LTBP2: variants seen among roughly 807,000 people sequenced by gnomAD.
LTBP2 encodes latent transforming growth factor beta binding protein 2.
In LTBP2, 103 loss-of-function variants were observed where a neutral mutation model predicts 210.6. That is an observed-to-expected ratio of 0.49 (90% CI 0.42 to 0.58). The LOEUF is 0.58. LTBP2 is among the 20% of genes least tolerant of loss of function. The pLI is 0.00. For synonymous variants in LTBP2, 1,007 were observed against 1,015.0 expected, an observed-to-expected ratio of 0.99 and a Z score of 0.15; for missense variants, 2,313 against 2,494.5, an observed-to-expected ratio of 0.93 and a Z score of 1.55.
At chr14:74,548,490 A>C (rs532133626) in intron 8 of LTBP2, among the ~76,000 whole-genome samples, 2 of 152,240 alleles carry the variant, frequency 1.3e-5, no homozygotes, top group African/African-American at 4.8e-5. Context: ...GGGCTTAGTC[A>C]ATGTAAATAT....
chr14:74,568,272 C>T (rs2087929763), intron 3 of LTBP2, among the ~76,000 whole-genome samples: 1 of 152,170 alleles, frequency 6.6e-6, no homozygotes, highest in Non-Finnish European at 1.5e-5. Context: ...GGGCCAGCCC[C>T]CTGCATGCGA....
chr14:74,565,905 ATTC>A (rs747838723), intron 3 of LTBP2, among the ~76,000 whole-genome samples: 21 of 152,256 alleles, frequency 1.4e-4, no homozygotes, highest in Non-Finnish European at 2.4e-4. Context: ...GCTCCCATAA[ATTC>A]TTCTCCAACC....
chr14:74,527,505 C>CT, intron 12 of LTBP2, 139 bp from the exon 13 acceptor site: 2 of 906,610 alleles, frequency 2.2e-6, no homozygotes, highest in Non-Finnish European at 3.5e-6. Context: ...AGCGTGGACT[C>CT]TTCTTACCTG....
At chr14:74,529,921 A>G (rs771591041) in intron 10 of LTBP2, among the ~76,000 whole-genome samples, 2 of 152,162 alleles carry the variant, frequency 1.3e-5, no homozygotes, top group African/African-American at 4.8e-5. Flanking sequence ...AGAGGACATC[A>G]ATCAAAGTTT....
chr14:74,578,184 C>G (rs1488605293), intron 3 of LTBP2, among the ~76,000 whole-genome samples: 2 of 152,074 alleles, frequency 1.3e-5, no homozygotes, highest in African/African-American at 4.8e-5. Flanking sequence ...AGCTATAAGC[C>G]CAGACAGTGA....
chr14:74,526,241 A>G (rs1276410009), intron 13 of LTBP2, 127 bp from the exon 14 acceptor site: 11 of 919,686 alleles, frequency 1.2e-5, no homozygotes, highest in African/African-American at 1.6e-5. Flanking sequence ...CATTCATTCC[A>G]GGTATTGATG....
chr14:74,566,684 C>T (rs1353675192), intron 3 of LTBP2, among the ~76,000 whole-genome samples: 6 of 152,208 alleles, frequency 3.9e-5, no homozygotes, highest in South Asian at 2.1e-4. Context: ...TTGCCTGGCA[C>T]GCTGATAGGG....
In LTBP2 at chr14:74,499,904, A is replaced by G. The variant is rs1006815090; in HGVS notation, c.*980T>C. On this transcript the variant is annotated 3_prime_UTR_variant, in exon 36 of 36. Transcript: ENST00000261978. ...GGTTTCTGAGTGGAGGGGAAAAACA[A>G]CATTGGAAATCTGGCTGCTTCTGAA... 3.5e-5 allele frequency: 8 copies of G among 231,246 alleles called. No individual in the cohort carries two copies. Among genetic ancestry groups the G allele is most frequent in the South Asian group, 1.8e-4 (1 of 5,512 alleles). The allele number at this position is 231,246 out of a possible 1,614,324, so 14.3% of individuals were successfully genotyped here.
At chr14:74,507,849 C>T in intron 25 of LTBP2, 124 bp downstream of exon 25, 1 of 1,337,612 alleles carries the variant, frequency 7.5e-7, no homozygotes. Context: ...AGTCTCAATA[C>T]ATACACTATT....
intron 3 of LTBP2, 21 bp from the exon 4 acceptor site, chr14:74,555,714 CG>C (rs2087720390): frequency 6.7e-7 from 1 of 1,489,054 alleles, no homozygotes; most frequent in Non-Finnish European, 9.0e-7. Flanking sequence ...AACCGCGGCA[CG>C]GGGGTTTGCA....
chr14:74,577,824 T>G (rs1326690524), intron 3 of LTBP2, among the ~76,000 whole-genome samples: 1 of 145,118 alleles, frequency 6.9e-6, no homozygotes. Flanking sequence ...GCTCTTGAGC[T>G]TAGAGGAGAT....
rs2086984105 is a variant in LTBP2, at chr14:74,506,306, G to C, written c.4034-115C>G. 4.3e-6 allele frequency: 6 copies of C among 1,388,786 alleles called. No homozygotes were observed. The East Asian group carries it at 1.4e-4, about 33-fold the overall frequency. The allele number at this position is 1,388,786 out of a possible 1,614,324, so 86.0% of individuals were successfully genotyped here. ...AGGCTAGGCCTTGGGGAAGAAACAA[G>C]AGTAAGTATAGATTTGTAGGGAGGA... is the stretch of plus-strand genomic sequence containing the variant. On this transcript the variant is annotated intron_variant, in intron 27 of 35. Coordinates refer to ENST00000261978, the MANE Select transcript of LTBP2 (RefSeq NM_000428.3).
chr14:74,509,966 T>C lies in LTBP2; in HGVS notation c.3152-107A>G, dbSNP rs936506752. The C allele has an allele frequency of 3.3e-5, 53 of 1,609,646 alleles. No individual in the cohort carries two copies. The South Asian group carries it at 5.7e-4, about 17-fold the overall frequency. ...AGGACAGGTCTGGGCAGGGATGTGT[T>C]GGGTCAGTGTGAATAGGGATGCAAG... On this transcript the variant is annotated intron_variant, in intron 20 of 35. Transcript: ENST00000261978.
At chr14:74,609,388 G>A (rs1041888053) in intron 1 of LTBP2, among the ~76,000 whole-genome samples, 4 of 152,100 alleles carry the variant, frequency 2.6e-5, no homozygotes, top group Middle Eastern at 3.2e-3. Flanking sequence ...GTGACAATTC[G>A]CTTTATTTCA....
chr14:74,513,695 C>T (rs773304524), intron 18 of LTBP2, among the ~76,000 whole-genome samples: 3 of 152,084 alleles, frequency 2.0e-5, no homozygotes, highest in South Asian at 2.1e-4. Context: ...CCCAGCCACT[C>T]GGGAGGCTGA....
intron 30 of LTBP2, 74 bp downstream of exon 30, chr14:74,504,704 C>T (rs2086959393): frequency 1.4e-6 from 2 of 1,474,682 alleles, no homozygotes; most frequent in East Asian, 2.3e-5. Flanking sequence ...AGAACTTCCC[C>T]AGGGACCCTG....
chr14:74,597,451 G>T (rs763570303), intron 2 of LTBP2, among the ~76,000 whole-genome samples: 1 of 152,160 alleles, frequency 6.6e-6, no homozygotes, highest in Non-Finnish European at 1.5e-5. Flanking sequence ...GGAGGAAACT[G>T]CCAGCCACCC....
rs1230943685 is a variant in LTBP2, at chr14:74,540,808, TA to T, written c.1790-4809del. Among the ~76,000 whole-genome samples, 6 of 6,330 alleles carry T rather than the reference TA, an allele frequency of 9.5e-4. No individual in the cohort carries two copies. The Non-Finnish European group carries it at 0.049, about 51-fold the overall frequency. The allele number at this position is 6,330 out of a possible 152,430, so 4.2% of individuals were successfully genotyped here. ...TTATATATATATTTATATATATATA[TA>T]ATATATATATATTTTTATATAATAT... is the stretch of plus-strand genomic sequence containing the variant. On this transcript the variant is annotated intron_variant, in intron 8 of 35. Coordinates refer to ENST00000261978, the MANE Select transcript of LTBP2 (RefSeq NM_000428.3).
intron 1 of LTBP2, among the ~76,000 whole-genome samples, chr14:74,607,289 T>A (rs1427976268): frequency 7.2e-5 from 11 of 152,224 alleles, no homozygotes; most frequent in Admixed American, 7.2e-4. Context: ...GAGTTGAGCT[T>A]CCTAAGACAA....
Sources: allele counts gnomAD v4.1 joint callset (sites outside exome capture counted in the v4.1 genomes callset), GRCh38; gene constraint gnomAD v4.1.1; transcripts MANE v1.5; gene names NCBI Gene and HGNC (gene_info 2026-07-23, HGNC 2026-07-21).